The following NCALD variants were observed in gnomAD, a reference collection of about 807,000 sequenced individuals.
NCALD encodes neurocalcin delta.
In NCALD, 10 loss-of-function variants were observed where a neutral mutation model predicts 18.6. The ratio of observed to expected loss-of-function variants is 0.54; its 90% CI spans 0.33 to 0.91. The LOEUF (loss-of-function observed/expected upper bound fraction) is 0.91, where lower values mean the gene tolerates loss of function less well. NCALD is among the 40% of genes least tolerant of loss of function. NCALD has a pLI of 0.03. For missense variants in NCALD, 184 were observed against 247.6 expected (o/e 0.74, Z 1.72); for synonymous variants, 88 against 87.4 (o/e 1.01, Z -0.04).
chr8:102,006,599 G>A (rs754855358), intron 2 of NCALD, among the ~76,000 whole-genome samples: 2 of 152,078 alleles, frequency 1.3e-5, no homozygotes, highest in African/African-American at 4.8e-5. Flanking sequence ...TAGAAGATCC[G>A]AGCTAGAGGA....
At chr8:101,873,461 T>C (rs1816101677) in intron 4 of NCALD, among the ~76,000 whole-genome samples, 1 of 152,258 alleles carries the variant, frequency 6.6e-6, no homozygotes, top group Non-Finnish European at 1.5e-5. Context: ...TGTGTATTTA[T>C]TTTCATGTGC....
intron 2 of NCALD, among the ~76,000 whole-genome samples, chr8:101,941,582 C>T (rs1345221818): frequency 6.6e-6 from 1 of 152,216 alleles, no homozygotes; most frequent in Admixed American, 6.5e-5. Context: ...TCATGCATAA[C>T]AAACTTATGA....
chr8:101,955,299 G>A (rs866368854), intron 2 of NCALD, among the ~76,000 whole-genome samples: 2 of 152,272 alleles, frequency 1.3e-5, no homozygotes, highest in Middle Eastern at 3.4e-3. Context: ...CTTCCAGAGA[G>A]TCCACTAACT....
intron 4 of NCALD, among the ~76,000 whole-genome samples, chr8:101,810,299 T>C (rs547458193): frequency 2.0e-5 from 3 of 152,352 alleles, no homozygotes; most frequent in South Asian, 4.1e-4. Context: ...AAGTTGGCAA[T>C]ATTTGTAACT....
At chr8:102,122,572 A>G (rs147057689) in intron 1 of NCALD, among the ~76,000 whole-genome samples, 1 of 152,344 alleles carries the variant, frequency 6.6e-6, no homozygotes, top group African/African-American at 2.4e-5. Context: ...AACAAAAATA[A>G]TAAGAGCTCA....
At chr8:101,973,158 G>T (rs764692209) in intron 2 of NCALD, among the ~76,000 whole-genome samples, 9 of 152,280 alleles carry the variant, frequency 5.9e-5, no homozygotes, top group Admixed American at 1.3e-4. Flanking sequence ...CCAGGTATGA[G>T]AACAGAGGAC....
At chr8:101,749,677 C>T (rs934492764) in intron 1 of NCALD, among the ~76,000 whole-genome samples, 3 of 152,192 alleles carry the variant, frequency 2.0e-5, no homozygotes, top group Non-Finnish European at 4.4e-5. Context: ...GAGGAAACTA[C>T]TGCCCTTCCC....
chr8:102,098,054 T>A (rs556573596), intron 1 of NCALD, among the ~76,000 whole-genome samples: 1 of 152,220 alleles, frequency 6.6e-6, no homozygotes, highest in African/African-American at 2.4e-5. Flanking sequence ...GTAAAATAAG[T>A]ATAGTCTGTG....
chr8:101,764,214 G>A (rs1036562642), intron 1 of NCALD, among the ~76,000 whole-genome samples: 1 of 152,106 alleles, frequency 6.6e-6, no homozygotes, highest in Non-Finnish European at 1.5e-5. Flanking sequence ...CTCATTGAGG[G>A]AATCAGTATT....
At chr8:101,802,535 T>A (rs145597750) in intron 4 of NCALD, among the ~76,000 whole-genome samples, 2 of 151,380 alleles carry the variant, frequency 1.3e-5, no homozygotes, top group East Asian at 3.9e-4. Flanking sequence ...AAAAAGATCG[T>A]GAAGGAAATT....
intron 1 of NCALD, among the ~76,000 whole-genome samples, chr8:102,037,630 C>A (rs1267040197): frequency 1.4e-5 from 2 of 144,794 alleles, no homozygotes; most frequent in Non-Finnish European, 3.0e-5. Context: ...TTTCTCCTTT[C>A]TTCTAATTTT....
chr8:101,994,467 C>T (rs1018904777), intron 2 of NCALD, among the ~76,000 whole-genome samples: 7 of 152,192 alleles, frequency 4.6e-5, no homozygotes, highest in African/African-American at 1.7e-4. Flanking sequence ...CTTCCTGATC[C>T]ATCCAGAGAT....
intron 4 of NCALD, among the ~76,000 whole-genome samples, chr8:101,836,266 C>T (rs1586604368): frequency 2.6e-5 from 4 of 152,120 alleles, no homozygotes; most frequent in Admixed American, 2.0e-4. Context: ...GGAAACTTGC[C>T]ATTTGTAAAC....
At chr8:102,058,068 A>G (rs1563581136) in intron 1 of NCALD, among the ~76,000 whole-genome samples, 1 of 152,196 alleles carries the variant, frequency 6.6e-6, no homozygotes, top group Non-Finnish European at 1.5e-5. Flanking sequence ...CAATGTTAGG[A>G]GACTTAAAAC....
intron 2 of NCALD, among the ~76,000 whole-genome samples, chr8:101,921,605 G>T (rs1286370761): frequency 1.3e-5 from 2 of 152,074 alleles, no homozygotes; most frequent in Non-Finnish European, 2.9e-5. Context: ...GTTAGTAAAG[G>T]TGTCCCTTTA....
chr8:101,788,710 A>G (rs187791735), intron 1 of NCALD: 3 of 152,328 alleles, frequency 2.0e-5, no homozygotes, highest in Admixed American at 2.0e-4. Flanking sequence ...CACAGCACCA[A>G]ACGGGTTAAG....
chr8:101,974,959 A>T (rs1390662310), intron 2 of NCALD, among the ~76,000 whole-genome samples: 1 of 152,236 alleles, frequency 6.6e-6, no homozygotes, highest in Admixed American at 6.5e-5. Flanking sequence ...CGCAATTGAC[A>T]CATATACAAA....
chr8:101,892,359 C>G (rs1445788380), intron 3 of NCALD, among the ~76,000 whole-genome samples: 1 of 147,198 alleles, frequency 6.8e-6, no homozygotes, highest in Non-Finnish European at 1.5e-5. Context: ...AAAAACCCAT[C>G]TGTACATCAC....
intron 1 of NCALD, among the ~76,000 whole-genome samples, chr8:101,735,741 A>G (rs2130637807): frequency 6.6e-6 from 1 of 152,312 alleles, no homozygotes; most frequent in South Asian, 2.1e-4. Flanking sequence ...TTCATGGCTG[A>G]AAGAAGGCCA....
Sources: allele counts gnomAD v4.1 joint callset (sites outside exome capture counted in the v4.1 genomes callset), GRCh38; gene constraint gnomAD v4.1.1; transcripts MANE v1.5; gene names NCBI Gene and HGNC (gene_info 2026-07-23, HGNC 2026-07-21).